RMND1: variants seen among roughly 807,000 people sequenced by gnomAD.
RMND1 encodes the protein required for meiotic nuclear division protein 1 homolog.
RMND1 carries 41 observed loss-of-function variants against 54.0 expected under a neutral mutation model. That is an observed-to-expected ratio of 0.76 (90% CI 0.59 to 0.98). RMND1 has a LOEUF of 0.98. Among genes scored for constraint, RMND1 ranks in the 50% least tolerant of loss-of-function variants. RMND1 has a pLI of 0.00. For missense variants in RMND1, 457 were observed against 532.0 expected (o/e 0.86, Z 1.39); for synonymous variants, 183 against 181.7 (o/e 1.01, Z -0.06).
Position 151,445,602 on chromosome 6 carries a change from C to T in RMND1, c.210G>A (p.Met70Ile). ...TGCTGGTATCTGACTTTTTTTGGTT[C>T]ATTTCCAGGATCTGAGACTTATTCA... ...SGLNKSQILEMNQKKSDTSML... is the reference protein window; with the variant it reads ...SGLNKSQILEINQKKSDTSML... The change falls in exon 2 of 12, where the codon ATG becomes ATA. Residue 70 changes from methionine (M) to isoleucine (I), a missense_variant. By Grantham distance (10) the Met-to-Ile change is conservative. Coordinates refer to ENST00000444024, the MANE Select transcript of RMND1 (RefSeq NM_017909.4). 6.2e-7 allele frequency: 1 copy of T among 1,614,088 alleles called. No individual in the cohort carries two copies. The highest frequency in any genetic ancestry group is 8.5e-7 in the Non-Finnish European group (1 of 1,179,994).
At chr6:151,436,054 G>A (rs1309347804) in intron 3 of RMND1, among the ~76,000 whole-genome samples, 8 of 150,702 alleles carry the variant, frequency 5.3e-5, no homozygotes, top group African/African-American at 1.9e-4. Flanking sequence ...GTAGTGAGCT[G>A]AGATCGCGCC....
chr6:151,436,306 A>C (rs1780611068), intron 3 of RMND1, 140 bp downstream of exon 3: 4 of 866,544 alleles, frequency 4.6e-6, no homozygotes, highest in Middle Eastern at 3.4e-4. Flanking sequence ...CATCTTTATA[A>C]AGAGATTCAA....
chr6:151,426,139 G>A (rs1399521015), intron 6 of RMND1, among the ~76,000 whole-genome samples: 1 of 151,980 alleles, frequency 6.6e-6, no homozygotes, highest in African/African-American at 2.4e-5. Context: ...AGTAGAGATG[G>A]GGTTTCGCCA....
At chr6:151,440,107 C>T (rs1308445380) in intron 2 of RMND1, among the ~76,000 whole-genome samples, 2 of 152,144 alleles carry the variant, frequency 1.3e-5, no homozygotes, top group African/African-American at 4.8e-5. Flanking sequence ...CAGGCATGCA[C>T]CACCACACCT....
intron 10 of RMND1, among the ~76,000 whole-genome samples, chr6:151,406,463 G>T (rs1258130585): frequency 6.6e-6 from 1 of 151,954 alleles, no homozygotes; most frequent in Non-Finnish European, 1.5e-5. Flanking sequence ...CTGGGATCAC[G>T]CCATTCTCCT....
At chr6:151,437,116 G>A (rs1780636684) in intron 2 of RMND1, among the ~76,000 whole-genome samples, 1 of 152,188 alleles carries the variant, frequency 6.6e-6, no homozygotes, top group African/African-American at 2.4e-5. Flanking sequence ...GCCCCATCTT[G>A]CCTTTGCACA....
chr6:151,407,776 C>G (rs1012545521), intron 10 of RMND1, among the ~76,000 whole-genome samples: 2 of 151,978 alleles, frequency 1.3e-5, no homozygotes, highest in Admixed American at 1.3e-4. Flanking sequence ...GGTGTTGTGG[C>G]GGCCCCTGTT....
chr6:151,440,407 T>C (rs895025915), intron 2 of RMND1, among the ~76,000 whole-genome samples: 2 of 152,244 alleles, frequency 1.3e-5, no homozygotes, highest in African/African-American at 4.8e-5. Context: ...AAATTGAGAA[T>C]GTGTACTATT....
In RMND1 at chr6:151,422,551, G is replaced by A; in HGVS notation, c.992C>T (p.Ser331Leu). ...AATTGATATAATTACCTCAGGAATT[G>A]ACTGAATAGATTCAATAAATTTATC... ...SLDKFIESIQSIPEALKAGKK... is the reference protein window; with the variant it reads ...SLDKFIESIQLIPEALKAGKK... Residue 331 changes from serine (S) to leucine (L), a missense_variant, in exon 8 of 12, where the codon TCA becomes TTA. Ser to Leu is a moderately radical substitution (Grantham distance 145). Transcript: ENST00000444024. The A allele has an allele frequency of 6.6e-7, 1 of 1,510,488 alleles. No homozygotes were observed. The highest frequency in any genetic ancestry group is 9.0e-7 in the Non-Finnish European group (1 of 1,114,356). The allele number at this position is 1,510,488 out of a possible 1,614,324, so 93.6% of individuals were successfully genotyped here.
At chr6:151,425,303 A>G (rs1393666139) in intron 6 of RMND1, among the ~76,000 whole-genome samples, 1 of 152,150 alleles carries the variant, frequency 6.6e-6, no homozygotes, top group East Asian at 1.9e-4. Flanking sequence ...CCCTGGAATC[A>G]TGGCAGAACT....
At position 151,424,322 on chromosome 6, in the gene RMND1, G is replaced by T. The variant is rs558569140; in HGVS notation, c.831-691C>A. On this transcript the variant is annotated intron_variant, in intron 6 of 11. Transcript: ENST00000444024. ...CAAAACACAAAATAAAATTAGCCGG[G>T]TGTGGTGGCGGGCGCCTGTAGTCCC... Among the ~76,000 whole-genome samples, 3 of 152,106 alleles carry T rather than the reference G, an allele frequency of 2.0e-5. No homozygotes were observed. The East Asian group carries it at 5.9e-4, about 30-fold the overall frequency.
intron 1 of RMND1, among the ~76,000 whole-genome samples, chr6:151,448,177 C>G (rs1410590307): frequency 6.6e-6 from 1 of 152,148 alleles, no homozygotes; most frequent in Non-Finnish European, 1.5e-5. Context: ...CACTGTTTTT[C>G]TATCAGACAG....
At chr6:151,446,474 T>C (rs528701645) in intron 1 of RMND1, among the ~76,000 whole-genome samples, 38 of 151,728 alleles carry the variant, frequency 2.5e-4, no homozygotes, top group Admixed American at 9.8e-4. Context: ...AAGCTGATTC[T>C]AGAAGGCGAA....
chr6:151,421,203 GT>G (rs1780141672), intron 9 of RMND1, 41 bp downstream of exon 9: 2 of 1,368,854 alleles, frequency 1.5e-6, no homozygotes, highest in Non-Finnish European at 2.1e-6. Context: ...TCTTGAGATT[GT>G]TAAATATATG....
chr6:151,408,339 A>T lies in RMND1; in HGVS notation c.1201-2503T>A, dbSNP rs969940062. Reference sequence around the variant, plus strand: ...AAACCCCGTCTCTACTAAAAATAGAAAAATTAGCTGGGTGTGGTGGCAGGC... The same window carrying T: ...AAACCCCGTCTCTACTAAAAATAGATAAATTAGCTGGGTGTGGTGGCAGGC... On this transcript the variant is annotated intron_variant, in intron 10 of 11. Coordinates refer to ENST00000444024, the MANE Select transcript of RMND1 (RefSeq NM_017909.4). Among the ~76,000 whole-genome samples the T allele has an allele frequency of 1.4e-4, 21 of 152,062 alleles. No homozygotes were observed. The East Asian group carries it at 3.9e-3, about 28-fold the overall frequency.
rs185685622 is a variant in RMND1 at position 151,416,003 on chromosome 6, G to A, written c.1200+1276C>T. ...TTTTTGTTTTGTTTTTTTTGAGATG[G>A]AGTCTCGCTGCAACGCCCAGGCTGG... On this transcript the variant is annotated intron_variant, in intron 10 of 11. Transcript: ENST00000444024. 2.2e-4 allele frequency among the ~76,000 whole-genome samples: 34 copies of A among 151,958 alleles called. No individual in the cohort carries two copies. The East Asian group carries it at 6.6e-3, about 29-fold the overall frequency.
In RMND1 at chr6:151,449,693, TGCCGAGCCGAA is replaced by T. The variant is rs1223887189; in HGVS notation, c.-15+2312_-15+2322del. ...CCCTCTCCCCACGGTCTCCCTCTGA[TGCCGAGCCGAA>T]GCTGGACTGTACTGCTGCCATCTCG... On this transcript the variant is annotated intron_variant, in intron 1 of 11. Coordinates refer to ENST00000444024, the MANE Select transcript of RMND1 (RefSeq NM_017909.4). Among the ~76,000 whole-genome samples, 4 of 152,012 alleles carry T rather than the reference TGCCGAGCCGAA, an allele frequency of 2.6e-5. No individual in the cohort carries two copies. The East Asian group carries it at 7.7e-4, about 29-fold the overall frequency.
At position 151,445,521 on chromosome 6, in the gene RMND1, G is replaced by A. The variant is rs1240993108; in HGVS notation, c.291C>T (p.Thr97=). The part of the protein sequence containing the change: ...RCQDEKAHLP[T]MKSFGTHRRV... ...TCCTGTGAGTACCAAAGGATTTCAT[G>A]GTTGGAAGGTGTGCCTTTTCATCTT... The change falls in exon 2 of 12, where the codon ACC becomes ACT. Residue 97 remains threonine, a synonymous_variant. Coordinates refer to ENST00000444024, the MANE Select transcript of RMND1 (RefSeq NM_017909.4). 3.7e-6 allele frequency: 6 copies of A among 1,614,232 alleles called. No homozygotes were observed. The South Asian group carries it at 6.6e-5, about 18-fold the overall frequency.
intron 6 of RMND1, among the ~76,000 whole-genome samples, chr6:151,423,923 C>T (rs1362871688): frequency 1.3e-5 from 2 of 151,470 alleles, no homozygotes; most frequent in Non-Finnish European, 2.9e-5. Context: ...TCTCAGCTCA[C>T]TGCAACCTCA....
Sources: gnomAD v4.1 joint callset for allele counts (sites outside exome capture counted in the v4.1 genomes callset) on GRCh38, gnomAD v4.1.1 for gene constraint, MANE v1.5 for transcripts, NCBI Gene and HGNC (gene_info 2026-07-23, HGNC 2026-07-21) for gene names.